RNF212: variants seen among roughly 807,000 people sequenced by gnomAD.
RNF212 encodes ring finger protein 212.
In RNF212, 33 loss-of-function variants were observed where a neutral mutation model predicts 34.7. The ratio of observed to expected loss-of-function variants is 0.95; its 90% CI spans 0.72 to 1.27. The LOEUF (loss-of-function observed/expected upper bound fraction) is 1.27, where lower values mean the gene tolerates loss of function less well. RNF212 is among the 50% of genes most tolerant of loss of function. The pLI is 0.00. For missense variants in RNF212, 377 were observed against 362.2 expected, an observed-to-expected ratio of 1.04 and a Z score of -0.33; for synonymous variants, 140 against 136.1, an observed-to-expected ratio of 1.03 and a Z score of -0.20.
rs1477475134 is a variant in RNF212 at position 1,113,347 on chromosome 4, A to G, written c.109+9T>C. The G allele has an allele frequency of 2.8e-6, 4 of 1,427,930 alleles. No homozygotes were observed. The highest frequency in any genetic ancestry group is 1.2e-5 in the South Asian group (1 of 82,650). The allele number at this position is 1,427,930 out of a possible 1,614,324, so 88.5% of individuals were successfully genotyped here. A position where few individuals can be genotyped will look rare whatever the true frequency, so the allele number is the denominator to read the frequency against. On this transcript the variant is annotated intron_variant, in intron 1 of 9. Transcript: ENST00000433731. ...TCCCCTCTCCAGCCTGCGTTCGGGA[A>G]GCCCTGACCTTTGCCGAGGCAGGCG... is the stretch of plus-strand genomic sequence containing the variant.
chr4:1,056,950 C>A, intron 4 of RNF212: 6 of 988,026 alleles, frequency 6.1e-6, no homozygotes, highest in Non-Finnish European at 7.2e-6. Flanking sequence ...TCCCTGGTAA[C>A]TGTGGTGTTG....
intron 2 of RNF212, 34 bp downstream of exon 2, chr4:1,108,309 G>A (rs1250914570): frequency 3.0e-6 from 4 of 1,351,088 alleles, no homozygotes; most frequent in African/African-American, 3.1e-5. Flanking sequence ...ATATGACTGT[G>A]ATTAAGATGC....
chr4:1,110,971 C>T (rs1002724139), intron 1 of RNF212, among the ~76,000 whole-genome samples: 6 of 152,176 alleles, frequency 3.9e-5, no homozygotes, highest in African/African-American at 1.4e-4. Flanking sequence ...CAGTCACCTG[C>T]CAACGCAGAG....
chr4:1,099,155 C>T lies in RNF212; in HGVS notation c.172-2316G>A, dbSNP rs866177978. 2.0e-5 allele frequency among the ~76,000 whole-genome samples: 3 copies of T among 152,330 alleles called. No individual in the cohort carries two copies. In the South Asian group the frequency reaches 6.2e-4, roughly 32 times the overall value. On this transcript the variant is annotated intron_variant, in intron 2 of 9. Transcript: ENST00000433731. ...GCAGCCATTCCTCCACCCCGGCACTCACATTGCAGAGGGCCGGCGATAAGC... is the reference window on the plus strand; with the variant it reads ...GCAGCCATTCCTCCACCCCGGCACTTACATTGCAGAGGGCCGGCGATAAGC...
intron 2 of RNF212, among the ~76,000 whole-genome samples, chr4:1,097,922 G>A (rs1723312844): frequency 6.6e-6 from 1 of 152,102 alleles, no homozygotes; most frequent in Non-Finnish European, 1.5e-5. Context: ...AAAGTTACCT[G>A]GGCGTGATGG....
At chr4:1,099,277 A>C (rs1019016348) in intron 2 of RNF212, among the ~76,000 whole-genome samples, 10 of 152,350 alleles carry the variant, frequency 6.6e-5, no homozygotes, top group African/African-American at 1.9e-4. Flanking sequence ...ACATTTTTTT[A>C]AAAACAAAAA....
At chr4:1,109,524 G>GA (rs1725329057) in intron 1 of RNF212, among the ~76,000 whole-genome samples, 1 of 151,970 alleles carries the variant, frequency 6.6e-6, no homozygotes, top group South Asian at 2.1e-4. Flanking sequence ...TAAGAACTAG[G>GA]AAAAAAACAT....
At chr4:1,063,914 C>A (rs1177997365) in intron 3 of RNF212, among the ~76,000 whole-genome samples, 2 of 150,954 alleles carry the variant, frequency 1.3e-5, no homozygotes, top group African/African-American at 4.9e-5. Context: ...ATAATGGAAG[C>A]CAGAAGACAG....
chr4:1,083,100 G>T (rs370064877), intron 5 of RNF212, among the ~76,000 whole-genome samples: 5 of 152,298 alleles, frequency 3.3e-5, no homozygotes, highest in African/African-American at 1.2e-4. Context: ...GGCGATACCA[G>T]GTATGTAGAG....
chr4:1,087,406 G>C (rs1721486847), intron 4 of RNF212, among the ~76,000 whole-genome samples: 1 of 100,206 alleles, frequency 1.0e-5, no homozygotes, highest in Non-Finnish European at 2.1e-5. Context: ...TGACAGGATA[G>C]GTGGGGGCAC....
chr4:1,094,896 AAC>A (rs1360846753), intron 3 of RNF212, among the ~76,000 whole-genome samples: 1 of 152,146 alleles, frequency 6.6e-6, no homozygotes, highest in Non-Finnish European at 1.5e-5. Flanking sequence ...AAAACAATAA[AAC>A]AGACCAAATG....
Position 1,073,086 on chromosome 4 carries a change from C to G in RNF212, c.682G>C (p.Asp228His). 1 of 1,614,198 alleles carries G rather than the reference C, an allele frequency of 6.2e-7. No homozygotes were observed. The highest frequency in any genetic ancestry group is 8.5e-7 in the Non-Finnish European group (1 of 1,180,028). Residue 228 changes from aspartate (D) to histidine (H), a missense_variant, in exon 10 of 10, where the codon GAC (aspartate) becomes CAC (histidine). Asp to His is a moderately conservative substitution (Grantham distance 81). Coordinates refer to ENST00000433731, the MANE Select transcript of RNF212 (RefSeq NM_001131034.4). ...ISRGSPCFCI[D>H]VCPHWLLLLA... ...AGGAGCAGCCAGTGAGGACAGACGT[C>G]TATGCAGAAACATGGTGAACCTCTG...
At chr4:1,076,097 A>G (rs1175451018) in intron 8 of RNF212, among the ~76,000 whole-genome samples, 1 of 152,240 alleles carries the variant, frequency 6.6e-6, no homozygotes, top group Non-Finnish European at 1.5e-5. Context: ...TAAGGTTAAC[A>G]GCCTTAACTT....
chr4:1,101,208 T>C, intron 2 of RNF212: 1 of 268,180 alleles, frequency 3.7e-6, no homozygotes, highest in South Asian at 5.0e-5. Context: ...CACAGTGCAG[T>C]AGCCGTGGTG....
chr4:1,099,009 C>T (rs757395108), intron 2 of RNF212, among the ~76,000 whole-genome samples: 3 of 152,146 alleles, frequency 2.0e-5, no homozygotes, highest in Non-Finnish European at 4.4e-5. Flanking sequence ...ACATGACAGA[C>T]ACCCCAGGAT....
At chr4:1,097,523 T>C (rs955909903) in intron 2 of RNF212, among the ~76,000 whole-genome samples, 3 of 151,966 alleles carry the variant, frequency 2.0e-5, no homozygotes, top group Non-Finnish European at 2.9e-5. Context: ...GAGAATGGCA[T>C]GAACCCAGGA....
At chr4:1,103,274 C>G (rs1724311966) in intron 2 of RNF212, among the ~76,000 whole-genome samples, 1 of 152,154 alleles carries the variant, frequency 6.6e-6, no homozygotes, top group African/African-American at 2.4e-5. Context: ...GCACAAAAAA[C>G]TTACTGGGCC....
At chr4:1,070,177 C>G (rs1392766716), downstream of RNF212, among the ~76,000 whole-genome samples, 3 of 147,962 alleles carry the variant, frequency 2.0e-5, no homozygotes, top group African/African-American at 7.5e-5. Context: ...GGACGCCTGG[C>G]CTGAGTTGTG....
chr4:1,100,202 G>A (rs1723744654), intron 2 of RNF212: 4 of 304,386 alleles, frequency 1.3e-5, no homozygotes, highest in Admixed American at 9.3e-5. Context: ...CTGCTTTCCC[G>A]TGATACTTCT....
Sources: allele counts gnomAD v4.1 joint callset (sites outside exome capture counted in the v4.1 genomes callset), GRCh38; gene constraint gnomAD v4.1.1; transcripts MANE v1.5; gene names NCBI Gene and HGNC (gene_info 2026-07-23, HGNC 2026-07-21).